PPM1H: variants seen among roughly 807,000 people sequenced by gnomAD.
PPM1H encodes the protein protein phosphatase, Mg2+/Mn2+ dependent 1H.
In PPM1H, 27 loss-of-function variants were observed where a neutral mutation model predicts 54.9. The ratio of observed to expected loss-of-function variants is 0.49; its 90% CI spans 0.36 to 0.68. The LOEUF (loss-of-function observed/expected upper bound fraction) is 0.68. Ranked by LOEUF, PPM1H falls within the 30% of genes least tolerant of loss-of-function variation. The pLI is 0.00. For missense variants in PPM1H, 596 were observed against 667.8 expected, an observed-to-expected ratio of 0.89 and a Z score of 1.19; for synonymous variants, 305 against 270.8, an observed-to-expected ratio of 1.13 and a Z score of -1.24.
intron 6 of PPM1H, among the ~76,000 whole-genome samples, chr12:62,697,760 C>T (rs181953865): frequency 3.3e-5 from 5 of 151,914 alleles, no homozygotes; most frequent in Admixed American, 3.3e-4. Flanking sequence ...TTTTGAAATC[C>T]TAATTAAATT....
intron 9 of PPM1H, among the ~76,000 whole-genome samples, chr12:62,652,803 C>T (rs1291423450): frequency 6.6e-6 from 1 of 152,182 alleles, no homozygotes; most frequent in African/African-American, 2.4e-5. Context: ...CATTTACAAT[C>T]TACACTTACA....
rs1054338745 is a variant in PPM1H, at chr12:62,644,639, G to A, written c.*3850C>T. The A allele has an allele frequency of 2.0e-5, 3 of 152,202 alleles. No homozygotes were observed. Among genetic ancestry groups the A allele is most frequent in the African/African-American group, 7.2e-5 (3 of 41,444 alleles). 9.4% of individuals were successfully genotyped at this position (152,202 alleles called of 1,614,324 possible). ...ACAGAAGAGGCAAGTCAGTCTGCTC[G>A]CGTAGCGTCCTTTGAAAAATCCCAG... On this transcript the variant is annotated 3_prime_UTR_variant, in exon 10 of 10. Transcript: ENST00000228705.
intron 9 of PPM1H, among the ~76,000 whole-genome samples, chr12:62,662,926 C>T (rs900733354): frequency 6.6e-6 from 1 of 152,184 alleles, no homozygotes; most frequent in Admixed American, 6.5e-5. Flanking sequence ...GTTTTAATGT[C>T]TATATCCCTA....
intron 6 of PPM1H, among the ~76,000 whole-genome samples, chr12:62,699,932 G>A (rs1477905772): frequency 6.6e-6 from 1 of 152,138 alleles, no homozygotes; most frequent in African/African-American, 2.4e-5. Flanking sequence ...TCCAGTGGAC[G>A]ACATTCCTTC....
intron 2 of PPM1H, among the ~76,000 whole-genome samples, chr12:62,804,891 G>A (rs1471558748): frequency 1.3e-5 from 2 of 151,542 alleles, no homozygotes; most frequent in Non-Finnish European, 2.9e-5. Context: ...TAGCTGGGAT[G>A]GTCTCGATCT....
intron 9 of PPM1H, among the ~76,000 whole-genome samples, chr12:62,662,750 A>C (rs2075892091): frequency 6.6e-6 from 1 of 152,154 alleles, no homozygotes; most frequent in Non-Finnish European, 1.5e-5. Context: ...AAAATAACAC[A>C]AACAACAATG....
intron 2 of PPM1H, among the ~76,000 whole-genome samples, chr12:62,817,116 T>TAAAAAAAAAAAAA (rs1189819660): frequency 2.4e-5 from 1 of 41,786 alleles, no homozygotes; most frequent in Non-Finnish European, 4.6e-5. Flanking sequence ...ACTGCATTAC[T>TAAAAAAAAAAAAA]AAAAAAAAAA....
At chr12:62,811,968 A>G (rs2076838272) in intron 2 of PPM1H, among the ~76,000 whole-genome samples, 1 of 152,232 alleles carries the variant, frequency 6.6e-6, no homozygotes, top group Non-Finnish European at 1.5e-5. Flanking sequence ...CATTTTGCCA[A>G]CAGTGAAACT....
intron 1 of PPM1H, among the ~76,000 whole-genome samples, chr12:62,920,381 T>C (rs557416018): frequency 1.3e-5 from 2 of 152,144 alleles, no homozygotes; most frequent in East Asian, 3.9e-4. Context: ...AGCTGGAGTG[T>C]GGTAGTGTGA....
chr12:62,740,964 T>C (rs1223207343), intron 4 of PPM1H, among the ~76,000 whole-genome samples: 1 of 152,238 alleles, frequency 6.6e-6, no homozygotes, highest in African/African-American at 2.4e-5. Flanking sequence ...ACAACCTTTC[T>C]AGCCCACATA....
intron 2 of PPM1H, among the ~76,000 whole-genome samples, chr12:62,803,151 C>T (rs1053930704): frequency 6.6e-6 from 1 of 152,292 alleles, no homozygotes; most frequent in Non-Finnish European, 1.5e-5. Context: ...ATACTTCCCA[C>T]CTCCCTTAGT....
intron 9 of PPM1H, among the ~76,000 whole-genome samples, chr12:62,658,182 A>ATT (rs1173229360): frequency 0.057 from 4,948 of 87,298 alleles, 342 homozygotes; most frequent in African/African-American, 0.065. Context: ...AACACGGTGA[A>ATT]TTTTTTTTTT....
At chr12:62,920,493 T>G (rs1871761219) in intron 1 of PPM1H, among the ~76,000 whole-genome samples, 1 of 150,988 alleles carries the variant, frequency 6.6e-6, no homozygotes, top group Non-Finnish European at 1.5e-5. Context: ...AGGTTTTTTT[T>G]TTTTTTTTTG....
chr12:62,757,666 T>C (rs2120598488), intron 4 of PPM1H, among the ~76,000 whole-genome samples: 1 of 152,318 alleles, frequency 6.6e-6, no homozygotes, highest in African/African-American at 2.4e-5. Flanking sequence ...TACAATAGAA[T>C]TATTGAAAGG....
chr12:62,779,015 C>T (rs886249292), intron 4 of PPM1H, among the ~76,000 whole-genome samples: 5 of 151,476 alleles, frequency 3.3e-5, no homozygotes, highest in African/African-American at 1.2e-4. Context: ...GAAAGAAAGA[C>T]ATAATATTTC....
chr12:62,743,119 G>A (rs1213673543), intron 4 of PPM1H, among the ~76,000 whole-genome samples: 1 of 152,172 alleles, frequency 6.6e-6, no homozygotes, highest in East Asian at 1.9e-4. Flanking sequence ...GGGAGGCCAA[G>A]GGGGATGGAT....
At chr12:62,743,588 TC>T (rs1354756882) in intron 4 of PPM1H, among the ~76,000 whole-genome samples, 1 of 152,108 alleles carries the variant, frequency 6.6e-6, no homozygotes, top group African/African-American at 2.4e-5. Context: ...GATGGTCACT[TC>T]GAATATTAAC....
At position 62,902,858 on chromosome 12, in the gene PPM1H, G is replaced by C. The variant is rs537034875; in HGVS notation, c.245+31634C>G. Among the ~76,000 whole-genome samples, 19 of 152,306 alleles carry C rather than the reference G, an allele frequency of 1.2e-4. No individual in the cohort carries two copies. In the South Asian group the frequency reaches 3.7e-3, roughly 30 times the overall value. On this transcript the variant is annotated intron_variant, in intron 1 of 9. Transcript: ENST00000228705. ...GCAGTGAGGCCCTACTCTAGATGGA[G>C]GGCCCACTTGTGATTTGAAACATCC...
chr12:62,856,349 A>G (rs1869388237), intron 1 of PPM1H, among the ~76,000 whole-genome samples: 1 of 152,178 alleles, frequency 6.6e-6, no homozygotes, highest in Non-Finnish European at 1.5e-5. Context: ...AATCTCTCAA[A>G]GTGGGGACAA....
Sources: allele counts gnomAD v4.1 joint callset (sites outside exome capture counted in the v4.1 genomes callset), GRCh38; gene constraint gnomAD v4.1.1; transcripts MANE v1.5; gene names NCBI Gene and HGNC (gene_info 2026-07-23, HGNC 2026-07-21).